Variants in NUBPL observed in about 807,000 individuals in gnomAD.
The protein encoded by NUBPL is NUBP iron-sulfur cluster assembly factor, mitochondrial.
Under a neutral mutation model 45.7 loss-of-function variants are expected in NUBPL, and 31 were observed. The observed-to-expected ratio is 0.68, with a 90% CI of 0.51 to 0.92. NUBPL has a LOEUF of 0.92. NUBPL is among the 40% of genes least tolerant of loss of function. The pLI is 0.00. For synonymous variants in NUBPL, 144 were observed against 140.9 expected (o/e 1.02, Z -0.15); for missense variants, 401 against 398.7 (o/e 1.01, Z -0.05).
chr14:31,780,344 C>A (rs1159735730), intron 6 of NUBPL, among the ~76,000 whole-genome samples: 2 of 152,142 alleles, frequency 1.3e-5, no homozygotes, highest in Admixed American at 6.6e-5. Context: ...GCTGGAATTA[C>A]AGGCGTGAGC....
intron 6 of NUBPL, among the ~76,000 whole-genome samples, chr14:31,786,817 G>A (rs1391446854): frequency 6.6e-6 from 1 of 152,216 alleles, no homozygotes; most frequent in East Asian, 1.9e-4. Context: ...GTGTTCTGGA[G>A]CTTAAGCTTA....
chr14:31,809,846 T>C (rs192617186), intron 7 of NUBPL, among the ~76,000 whole-genome samples: 3 of 151,714 alleles, frequency 2.0e-5, no homozygotes, highest in South Asian at 2.1e-4. Flanking sequence ...CAAAGAACAT[T>C]TTTATTTCTG....
intron 6 of NUBPL, among the ~76,000 whole-genome samples, chr14:31,761,106 A>G (rs1280134057): frequency 6.6e-6 from 1 of 152,224 alleles, no homozygotes. Flanking sequence ...TGTGTGAAAA[A>G]TGTTTTCAGC....
At chr14:31,669,809 G>GTTTTTTTTTTT (rs35705230) in intron 4 of NUBPL, among the ~76,000 whole-genome samples, 5 of 51,528 alleles carry the variant, frequency 9.7e-5, no homozygotes, top group Non-Finnish European at 6.3e-5. Context: ...TTTTTTTTTT[G>GTTTTTTTTTTT]TTTTTTTTTT....
chr14:31,745,208 C>G (rs1366125057), intron 6 of NUBPL, among the ~76,000 whole-genome samples: 1 of 152,046 alleles, frequency 6.6e-6, no homozygotes, highest in South Asian at 2.1e-4. Context: ...CCGCTCTCCC[C>G]ACCCCACGAC....
intron 10 of NUBPL, among the ~76,000 whole-genome samples, chr14:31,853,590 G>A (rs1207401235): frequency 1.3e-5 from 2 of 152,112 alleles, no homozygotes; most frequent in East Asian, 1.9e-4. Flanking sequence ...TTCAGAAGAG[G>A]CAAACACTAA....
chr14:31,809,801 A>G (rs970001862), intron 7 of NUBPL, among the ~76,000 whole-genome samples: 1 of 152,066 alleles, frequency 6.6e-6, no homozygotes, highest in African/African-American at 2.4e-5. Flanking sequence ...TGTCCCAGAG[A>G]TTCTGGTACG....
chr14:31,688,658 GTT>G (rs35846918), intron 6 of NUBPL, among the ~76,000 whole-genome samples: 2 of 129,448 alleles, frequency 1.5e-5, no homozygotes, highest in Non-Finnish European at 1.6e-5. Flanking sequence ...TTTTGTTGTT[GTT>G]TTTTTTTTTT....
chr14:31,722,916 G>GT (rs2037844282), intron 6 of NUBPL, among the ~76,000 whole-genome samples: 1 of 150,794 alleles, frequency 6.6e-6, no homozygotes, highest in African/African-American at 2.4e-5. Context: ...GTTTTTTTTT[G>GT]TTTTTTTCTG....
chr14:31,562,125 G>C lies in NUBPL; in HGVS notation c.166G>C (p.Gly56Arg). 1 of 1,613,672 alleles carries C rather than the reference G, an allele frequency of 6.2e-7. No homozygotes were observed. The highest frequency in any genetic ancestry group is 2.2e-5 in the East Asian group (1 of 44,860). ...KQRRTQIMSRGLPKQKPIEGV... is the reference protein window; with the variant it reads ...KQRRTQIMSRRLPKQKPIEGV... ...AAGAAGAACACAAATCATGTCCCGA[G>C]GACTTCCAAAGCAGAAACCGATAGA... The change falls in exon 2 of 11, where the codon GGA becomes CGA. Residue 56 changes from glycine to arginine, a missense_variant. Gly to Arg is a moderately radical substitution (Grantham distance 125, BLOSUM62 -2). Coordinates refer to ENST00000281081, the MANE Select transcript of NUBPL (RefSeq NM_025152.3).
intron 10 of NUBPL, among the ~76,000 whole-genome samples, chr14:31,858,423 A>G (rs146501667): frequency 3.7e-4 from 56 of 152,348 alleles, no homozygotes; most frequent in African/African-American, 1.2e-3. Context: ...AGTAGAGGAT[A>G]TAAGTAATTT....
At chr14:31,745,519 C>T (rs1423667291) in intron 6 of NUBPL, among the ~76,000 whole-genome samples, 4 of 152,234 alleles carry the variant, frequency 2.6e-5, no homozygotes, top group South Asian at 2.1e-4. Context: ...TGGTCTTGAT[C>T]TCCTGACCTC....
chr14:31,646,077 T>C (rs1051144502), intron 4 of NUBPL, among the ~76,000 whole-genome samples: 1 of 152,100 alleles, frequency 6.6e-6, no homozygotes, highest in African/African-American at 2.4e-5. Flanking sequence ...CTGGTGGTGG[T>C]GAATTCTCTC....
At chr14:31,790,647 C>A in intron 7 of NUBPL, among the ~76,000 whole-genome samples, 1 of 151,324 alleles carries the variant, frequency 6.6e-6, no homozygotes, top group Non-Finnish European at 1.5e-5. Flanking sequence ...GTCAGGAGAT[C>A]GAGACCATCC....
chr14:31,713,411 G>C (rs997785984), intron 6 of NUBPL, among the ~76,000 whole-genome samples: 9 of 151,848 alleles, frequency 5.9e-5, no homozygotes, highest in Non-Finnish European at 1.3e-4. Flanking sequence ...TTTATATATG[G>C]CACATTATGT....
At chr14:31,650,689 C>T (rs753708149) in intron 4 of NUBPL, among the ~76,000 whole-genome samples, 10 of 152,146 alleles carry the variant, frequency 6.6e-5, no homozygotes, top group African/African-American at 2.2e-4. Flanking sequence ...TGTTTAAAAG[C>T]GGCTTTAAAT....
chr14:31,681,693 C>G (rs896341391), intron 6 of NUBPL, among the ~76,000 whole-genome samples: 2 of 151,886 alleles, frequency 1.3e-5, no homozygotes, highest in Admixed American at 6.6e-5. Flanking sequence ...AAATTTATCT[C>G]TTAGGCGTTG....
intron 6 of NUBPL, among the ~76,000 whole-genome samples, chr14:31,702,696 A>G (rs1313442653): frequency 6.6e-6 from 1 of 152,236 alleles, no homozygotes; most frequent in African/African-American, 2.4e-5. Flanking sequence ...TTCTCCAGCC[A>G]GAGAGGCTAC....
At position 31,605,306 on chromosome 14, in the gene NUBPL, T is replaced by C. The variant is rs139383887; in HGVS notation, c.382+5927T>C. Among the ~76,000 whole-genome samples the C allele has an allele frequency of 9.3e-3, 1,424 of 152,334 alleles. 12 individuals carry two copies. Among genetic ancestry groups the C allele is most frequent in the Middle Eastern group, 0.024 (7 of 294 alleles). On this transcript the variant is annotated intron_variant, in intron 4 of 10. Coordinates refer to ENST00000281081, the MANE Select transcript of NUBPL (RefSeq NM_025152.3). ...GAAATATCTGCTTTGTTTCATAGTT[T>C]TGTGATGAAAAATCACTTTCAGAAT...
Sources: allele counts gnomAD v4.1 joint callset (sites outside exome capture counted in the v4.1 genomes callset), GRCh38; gene constraint gnomAD v4.1.1; transcripts MANE v1.5; gene names NCBI Gene and HGNC (gene_info 2026-07-23, HGNC 2026-07-21).